The following BCL2 variants were observed in gnomAD, a reference collection of about 807,000 sequenced individuals.
BCL2 encodes apoptosis regulator Bcl-2.
BCL2 carries 1 observed loss-of-function variant against 14.2 expected under a neutral mutation model. The observed-to-expected ratio is 0.07, with a 90% CI of 0.02 to 0.33. BCL2 has a LOEUF of 0.33. Ranked by LOEUF, BCL2 falls within the 10% of genes least tolerant of loss-of-function variation. BCL2 has a pLI of 0.99. For missense variants in BCL2, 247 were observed against 305.9 expected (o/e 0.81, Z 1.44); for synonymous variants, 151 against 137.2 (o/e 1.10, Z -0.70).
rs1028140356 is a variant in BCL2 at position 63,188,799 on chromosome 18, T to C, written c.586-60040A>G. On this transcript the variant is annotated intron_variant, in intron 2 of 2. Transcript: ENST00000333681. ...AATGCTATGAATATACATGCATTTGTATATGTATCTAATTTTTTTCTCATC... is the reference window on the plus strand; with the variant it reads ...AATGCTATGAATATACATGCATTTGCATATGTATCTAATTTTTTTCTCATC... Among the ~76,000 whole-genome samples the C allele has an allele frequency of 2.3e-4, 35 of 152,064 alleles. 1 individual carries two copies. Among genetic ancestry groups the C allele is most frequent in the Admixed American group, 2.1e-3 (32 of 15,272 alleles).
intron 2 of BCL2, among the ~76,000 whole-genome samples, chr18:63,203,197 T>C (rs1042555466): frequency 6.6e-6 from 1 of 152,208 alleles, no homozygotes; most frequent in Non-Finnish European, 1.5e-5. Flanking sequence ...GTCTACCTTC[T>C]GCATCCATTG....
intron 2 of BCL2, among the ~76,000 whole-genome samples, chr18:63,216,786 A>G (rs1413164594): frequency 6.6e-6 from 1 of 152,242 alleles, no homozygotes; most frequent in East Asian, 1.9e-4. Flanking sequence ...TGCACACCAA[A>G]AAAAGATTCC....
intron 2 of BCL2, among the ~76,000 whole-genome samples, chr18:63,249,571 A>G (rs1326382126): frequency 6.6e-6 from 1 of 152,030 alleles, no homozygotes; most frequent in Non-Finnish European, 1.5e-5. Context: ...TTAGCTGGGC[A>G]TGGTGGTGCG....
chr18:63,210,992 G>A (rs1174250495), intron 2 of BCL2, among the ~76,000 whole-genome samples: 1 of 150,082 alleles, frequency 6.7e-6, no homozygotes, highest in African/African-American at 2.5e-5. Context: ...CTCTGTCCTT[G>A]CTTTCCGCCC....
rs186578896 is a variant in BCL2 at position 63,227,187 on chromosome 18, G to C, written c.585+90895C>G. On this transcript the variant is annotated intron_variant, in intron 2 of 2. Transcript: ENST00000333681. ...ATAATATACTCAAATGCTGAGGGAA[G>C]ATATCTATGTAAAATTCTATACCTA... Among the ~76,000 whole-genome samples, 7 of 152,314 alleles carry C rather than the reference G, an allele frequency of 4.6e-5. No individual in the cohort carries two copies. The East Asian group carries it at 1.4e-3, about 29-fold the overall frequency.
chr18:63,161,675 T>C (rs1599217024), intron 2 of BCL2, among the ~76,000 whole-genome samples: 1 of 152,118 alleles, frequency 6.6e-6, no homozygotes. Context: ...TGGAAATGTA[T>C]CCTAAATACC....
intron 2 of BCL2, among the ~76,000 whole-genome samples, chr18:63,150,621 G>A (rs576276985): frequency 1.4e-4 from 22 of 152,224 alleles, no homozygotes; most frequent in Non-Finnish European, 2.9e-4. Context: ...CGTGTCCCAT[G>A]AACATGCCAC....
chr18:63,220,463 G>C (rs1910359294), intron 2 of BCL2, among the ~76,000 whole-genome samples: 1 of 152,194 alleles, frequency 6.6e-6, no homozygotes, highest in East Asian at 1.9e-4. Context: ...GTCTACCAGG[G>C]AGCAGAGAAA....
At chr18:63,255,891 T>C (rs1169032754) in intron 2 of BCL2, among the ~76,000 whole-genome samples, 1 of 152,108 alleles carries the variant, frequency 6.6e-6, no homozygotes, top group East Asian at 1.9e-4. Context: ...TTAATTTTCT[T>C]CTTATCTGAA....
At chr18:63,202,426 G>A (rs1233042799) in intron 2 of BCL2, among the ~76,000 whole-genome samples, 1 of 152,124 alleles carries the variant, frequency 6.6e-6, no homozygotes, top group African/African-American at 2.4e-5. Flanking sequence ...AACAACTGAG[G>A]CCACTTACCT....
At chr18:63,286,702 G>A (rs972299861) in intron 2 of BCL2, among the ~76,000 whole-genome samples, 1 of 152,168 alleles carries the variant, frequency 6.6e-6, no homozygotes, top group African/African-American at 2.4e-5. Flanking sequence ...GTTTGCGGCA[G>A]TTTCCAGGTG....
At chr18:63,294,998 C>CA (rs34986306) in intron 2 of BCL2, among the ~76,000 whole-genome samples, 58,451 of 132,318 alleles carry the variant, frequency 0.44, 14,172 homozygotes, top group Non-Finnish European at 0.56. Context: ...CTGAAAATAC[C>CA]AAAAAAAAAA....
chr18:63,305,687 TGATA>T (rs1483065469), intron 2 of BCL2, among the ~76,000 whole-genome samples: 1 of 152,174 alleles, frequency 6.6e-6, no homozygotes, highest in Non-Finnish European at 1.5e-5. Context: ...TTTTATTAAC[TGATA>T]GTTAATAAAG....
chr18:63,156,482 C>A (rs1159902601), intron 2 of BCL2, among the ~76,000 whole-genome samples: 1 of 152,106 alleles, frequency 6.6e-6, no homozygotes, highest in African/African-American at 2.4e-5. Flanking sequence ...GCCAAATGTC[C>A]CCTGGAAGGC....
chr18:63,251,543 G>A (rs1911315990), intron 2 of BCL2, among the ~76,000 whole-genome samples: 1 of 150,904 alleles, frequency 6.6e-6, no homozygotes, highest in African/African-American at 2.4e-5. Flanking sequence ...TACTGAGGAG[G>A]CTGAGGCAGG....
chr18:63,277,381 C>T (rs746089390), intron 2 of BCL2, among the ~76,000 whole-genome samples: 1 of 151,974 alleles, frequency 6.6e-6, no homozygotes, highest in Non-Finnish European at 1.5e-5. Flanking sequence ...GTCTGTAATC[C>T]CAATGCTTTG....
chr18:63,139,682 G>T (rs1023340728), intron 2 of BCL2, among the ~76,000 whole-genome samples: 2 of 152,158 alleles, frequency 1.3e-5, no homozygotes, highest in Non-Finnish European at 2.9e-5. Flanking sequence ...ATACACACAG[G>T]CCTCAGTCAC....
chr18:63,216,783 C>CA (rs1363889733), intron 2 of BCL2, among the ~76,000 whole-genome samples: 6 of 151,986 alleles, frequency 3.9e-5, no homozygotes, highest in Admixed American at 6.6e-5. Context: ...TTTTGCACAC[C>CA]AAAAAAAGAT....
At chr18:63,199,449 A>G (rs983263392) in intron 2 of BCL2, among the ~76,000 whole-genome samples, 1 of 151,790 alleles carries the variant, frequency 6.6e-6, no homozygotes, top group Admixed American at 6.6e-5. Context: ...GCACATACAC[A>G]GAGACACACG....
Sources: allele counts gnomAD v4.1 joint callset (sites outside exome capture counted in the v4.1 genomes callset), GRCh38; gene constraint gnomAD v4.1.1; transcripts MANE v1.5; gene names NCBI Gene and HGNC (gene_info 2026-07-23, HGNC 2026-07-21).